Variants in KCNG3 observed in about 807,000 individuals in gnomAD.
KCNG3 encodes voltage-gated potassium channel regulatory subunit KCNG3.
In KCNG3, 15 loss-of-function variants were observed where a neutral mutation model predicts 29.0. That is an observed-to-expected ratio of 0.52 (90% CI 0.35 to 0.80). The LOEUF is 0.80. Ranked by LOEUF, KCNG3 falls within the 30% of genes least tolerant of loss-of-function variation. The probability of loss-of-function intolerance (pLI) is 0.01; values close to 1 mark genes in which losing one functional copy is unlikely to be tolerated. For missense variants in KCNG3, 512 were observed against 605.7 expected (o/e 0.85, Z 1.62); for synonymous variants, 322 against 248.9 (o/e 1.29, Z -2.76).
At chr2:42,410,054 G>C in the KCNG3 span, among the ~76,000 whole-genome samples, 2 of 151,966 alleles carry the variant, frequency 1.3e-5, no homozygotes, top group African/African-American at 4.8e-5. Flanking sequence ...ACAAAAGGTG[G>C]CATACTATAT....
chr2:42,456,796 A>C (rs1292073411), intron 1 of KCNG3, among the ~76,000 whole-genome samples: 1 of 152,208 alleles, frequency 6.6e-6, no homozygotes, highest in Non-Finnish European at 1.5e-5. Context: ...CATTTCTAAC[A>C]GGCATGTACA....
At chr2:42,437,297 C>G (rs141103007), downstream of KCNG3, among the ~76,000 whole-genome samples, 8 of 152,042 alleles carry the variant, frequency 5.3e-5, no homozygotes, top group South Asian at 1.0e-3. Context: ...TAATATAAGT[C>G]GAATCTTAGA....
chr2:42,391,624 A>T, the KCNG3 span, among the ~76,000 whole-genome samples: 2 of 73,504 alleles, frequency 2.7e-5, no homozygotes, highest in South Asian at 5.8e-4. Context: ...TTTTTTTGAG[A>T]CGGAGTCTCG....
chr2:42,428,458 GGAA>G, the KCNG3 span, among the ~76,000 whole-genome samples: 8 of 104,524 alleles, frequency 7.7e-5, no homozygotes, highest in Non-Finnish European at 9.4e-5. Context: ...CCCGGTCTCG[GGAA>G]AAAAAAAAAA....
the KCNG3 span, among the ~76,000 whole-genome samples, chr2:42,427,252 G>T: frequency 3.8e-4 from 58 of 152,170 alleles, no homozygotes; most frequent in Non-Finnish European, 2.9e-5. Flanking sequence ...GGGATAGTGA[G>T]GTGGTTAGTT....
the KCNG3 span, among the ~76,000 whole-genome samples, chr2:42,394,862 T>C: frequency 1.4e-4 from 22 of 152,322 alleles, no homozygotes; most frequent in Non-Finnish European, 2.6e-4. Flanking sequence ...TCTAAATTAA[T>C]TGAGACCTGT....
At chr2:42,397,488 A>G in the KCNG3 span, among the ~76,000 whole-genome samples, 1 of 152,230 alleles carries the variant, frequency 6.6e-6, no homozygotes, top group East Asian at 1.9e-4. Context: ...ACATATGCCT[A>G]TTATATATTA....
intron 1 of KCNG3, among the ~76,000 whole-genome samples, chr2:42,484,312 A>G (rs1418859166): frequency 1.3e-5 from 2 of 152,076 alleles, no homozygotes; most frequent in Non-Finnish European, 2.9e-5. Context: ...AAATACAAAA[A>G]TTAGCTGGAC....
chr2:42,401,204 A>G, the KCNG3 span, among the ~76,000 whole-genome samples: 1 of 149,796 alleles, frequency 6.7e-6, no homozygotes, highest in Non-Finnish European at 1.5e-5. Context: ...ACAGAAAAAT[A>G]TATGTATATA....
chr2:42,405,821 T>C, the KCNG3 span, among the ~76,000 whole-genome samples: 2 of 152,156 alleles, frequency 1.3e-5, no homozygotes, highest in Non-Finnish European at 2.9e-5. Flanking sequence ...TTAGCCAGGA[T>C]GGTCTCGATC....
chr2:42,458,016 T>C (rs1202552580), intron 1 of KCNG3, among the ~76,000 whole-genome samples: 1 of 152,160 alleles, frequency 6.6e-6, no homozygotes, highest in Non-Finnish European at 1.5e-5. Context: ...GACTAAGTCA[T>C]ACCTTGAATC....
chr2:42,392,531 C>G, the KCNG3 span, among the ~76,000 whole-genome samples: 1 of 152,226 alleles, frequency 6.6e-6, no homozygotes, highest in South Asian at 2.1e-4. Flanking sequence ...GGTCCTACTG[C>G]TGGCAGCATA....
At position 42,493,784 on chromosome 2, in the gene KCNG3, T is replaced by C; in HGVS notation, c.-283A>G. On this transcript the variant is annotated 5_prime_UTR_variant, in exon 1 of 2. Transcript: ENST00000306078. ...CCCACCGGCTGGGAACGCGGCTGTG[T>C]CCGCGCCGCCGACCCTCGCGCCCGA... The C allele has an allele frequency of 3.6e-6, 1 of 280,720 alleles. No homozygotes were observed. Among genetic ancestry groups the C allele is most frequent in the Non-Finnish European group, 6.6e-6 (1 of 150,758 alleles). The allele number at this position is 280,720 out of a possible 1,614,324, so 17.4% of individuals were successfully genotyped here. A position where few individuals can be genotyped will look rare whatever the true frequency, so the allele number is the denominator to read the frequency against.
intron 1 of KCNG3, among the ~76,000 whole-genome samples, chr2:42,451,204 C>CAAAAAAAA (rs67651134): frequency 2.6e-4 from 16 of 61,010 alleles, no homozygotes; most frequent in Non-Finnish European, 3.0e-4. Flanking sequence ...GACTCCAACT[C>CAAAAAAAA]AAAAAAAAAA....
At chr2:42,398,446 C>T in the KCNG3 span, among the ~76,000 whole-genome samples, 22,887 of 151,658 alleles carry the variant, frequency 0.15, 1,793 homozygotes, top group African/African-American at 0.21. Context: ...CCTGGGAATC[C>T]CATGAAAAAT....
intron 1 of KCNG3, among the ~76,000 whole-genome samples, chr2:42,480,697 T>C (rs938398281): frequency 2.1e-5 from 3 of 143,918 alleles, no homozygotes; most frequent in Non-Finnish European, 4.5e-5. Flanking sequence ...AAGGCTGAGA[T>C]AGGAAGAGCC....
At chr2:42,418,888 T>G in the KCNG3 span, among the ~76,000 whole-genome samples, 1 of 152,162 alleles carries the variant, frequency 6.6e-6, no homozygotes, top group African/African-American at 2.4e-5. Flanking sequence ...AATATTCACT[T>G]TTTTCTTCCT....
chr2:42,469,348 C>T (rs976950483), intron 1 of KCNG3, among the ~76,000 whole-genome samples: 7 of 148,266 alleles, frequency 4.7e-5, no homozygotes, highest in Non-Finnish European at 1.0e-4. Flanking sequence ...ACCCAAGAGG[C>T]GGAGGTTGCA....
At chr2:42,413,884 C>A in the KCNG3 span, 1 of 152,196 alleles carries the variant, frequency 6.6e-6, no homozygotes, top group African/African-American at 2.4e-5. Flanking sequence ...CCTCTCATGA[C>A]ACATGGGGAT....
Sources: gnomAD v4.1 joint callset for allele counts (sites outside exome capture counted in the v4.1 genomes callset) on GRCh38, gnomAD v4.1.1 for gene constraint, MANE v1.5 for transcripts, NCBI Gene and HGNC (gene_info 2026-07-23, HGNC 2026-07-21) for gene names.